The following MYO18B variants were observed in gnomAD, a reference collection of about 807,000 sequenced individuals.
MYO18B encodes the protein myosin XVIIIB, also known as unconventional myosin-XVIIIb.
MYO18B carries 204 observed loss-of-function variants against 273.0 expected under a neutral mutation model. The observed-to-expected ratio is 0.75, with a 90% CI of 0.67 to 0.84. The LOEUF (loss-of-function observed/expected upper bound fraction) is 0.84. MYO18B is among the 40% of genes least tolerant of loss of function. MYO18B has a pLI of 0.00. For missense variants in MYO18B, 3,212 were observed against 3,287.6 expected, an observed-to-expected ratio of 0.98 and a Z score of 0.56; for synonymous variants, 1,330 against 1,305.7, an observed-to-expected ratio of 1.02 and a Z score of -0.40.
intron 39 of MYO18B, among the ~76,000 whole-genome samples, chr22:25,972,910 C>T (rs1431784756): frequency 6.1e-5 from 9 of 147,756 alleles, no homozygotes; most frequent in African/African-American, 1.3e-4. Context: ...GAGCCAAGAT[C>T]GTGCCACTGC....
At chr22:26,041,409 G>A in the MYO18B span, among the ~76,000 whole-genome samples, 1 of 150,834 alleles carries the variant, frequency 6.6e-6, no homozygotes, top group Non-Finnish European at 1.5e-5. Context: ...GCACATGCCT[G>A]TAATCCCAAC....
intron 4 of MYO18B, 60 bp from the exon 5 acceptor site, chr22:25,770,050 A>G: frequency 6.4e-7 from 1 of 1,552,566 alleles, no homozygotes; most frequent in Admixed American, 1.7e-5. Context: ...CCCCCGTGTA[A>G]GGTAGAAGAT....
At chr22:25,900,537 T>C (rs777587448) in intron 29 of MYO18B, 2 of 152,340 alleles carry the variant, frequency 1.3e-5, no homozygotes, top group African/African-American at 2.4e-5. Flanking sequence ...GTTTGTGGCA[T>C]GATTACCCTA....
chr22:26,016,029 G>T (rs1217909051), intron 42 of MYO18B, among the ~76,000 whole-genome samples: 1 of 152,190 alleles, frequency 6.6e-6, no homozygotes, highest in Non-Finnish European at 1.5e-5. Context: ...AGTTAAAGCT[G>T]CATCTTCATG....
intron 21 of MYO18B, among the ~76,000 whole-genome samples, chr22:25,858,113 C>T (rs1449626781): frequency 6.6e-6 from 1 of 152,214 alleles, no homozygotes; most frequent in Non-Finnish European, 1.5e-5. Context: ...AAAACAGACA[C>T]AGTTAGCACC....
chr22:25,841,975 C>T (rs1204285210), intron 17 of MYO18B, among the ~76,000 whole-genome samples: 1 of 152,236 alleles, frequency 6.6e-6, no homozygotes, highest in Non-Finnish European at 1.5e-5. Flanking sequence ...AGGGACTGCA[C>T]AGCTCTGAAA....
intron 39 of MYO18B, among the ~76,000 whole-genome samples, chr22:25,987,767 A>G (rs982818040): frequency 1.3e-5 from 2 of 152,130 alleles, no homozygotes; most frequent in East Asian, 3.9e-4. Flanking sequence ...GCGTGTATGC[A>G]TGAATGAATA....
intron 16 of MYO18B, among the ~76,000 whole-genome samples, chr22:25,835,048 G>A (rs2089847069): frequency 6.6e-6 from 1 of 152,210 alleles, no homozygotes; most frequent in South Asian, 2.1e-4. Context: ...GAGAAGTGTA[G>A]TAAGTTGCCC....
At chr22:25,839,769 A>G (rs114450581) in intron 17 of MYO18B, among the ~76,000 whole-genome samples, 1,823 of 152,246 alleles carry the variant, frequency 0.012, 41 homozygotes, top group African/African-American at 0.042. Context: ...TCAGATCCAA[A>G]AGAAGCCAAG....
rs146443100 is a variant in MYO18B at position 25,783,404 on chromosome 22, A to G, written c.2312+1570A>G. Among the ~76,000 whole-genome samples the G allele has an allele frequency of 2.7e-3, 408 of 152,332 alleles. 1 individual carries two copies. Among genetic ancestry groups the G allele is most frequent in the Middle Eastern group, 6.8e-3 (2 of 294 alleles). Reference sequence around the variant, plus strand: ...ATAGTAATGGTGTAATGTGGGAAGGAGTAGGTAGGTGGGCCCTGAACATAG... The same window carrying G: ...ATAGTAATGGTGTAATGTGGGAAGGGGTAGGTAGGTGGGCCCTGAACATAG... On this transcript the variant is annotated intron_variant, in intron 10 of 43. Coordinates refer to ENST00000335473, the MANE Select transcript of MYO18B (RefSeq NM_032608.7).
chr22:25,922,814 A>T (rs2092367424), intron 34 of MYO18B, among the ~76,000 whole-genome samples: 1 of 152,250 alleles, frequency 6.6e-6, no homozygotes, highest in African/African-American at 2.4e-5. Context: ...GGCTGCTTCC[A>T]GTCTCTGGTG....
chr22:25,954,211 A>G (rs934479511), intron 38 of MYO18B, among the ~76,000 whole-genome samples: 7 of 152,164 alleles, frequency 4.6e-5, no homozygotes. Context: ...TGATGGCCAA[A>G]GCACTTTTCT....
chr22:25,952,461 C>A, intron 38 of MYO18B, 38 bp downstream of exon 38: 1 of 1,609,250 alleles, frequency 6.2e-7, no homozygotes, highest in Non-Finnish European at 8.5e-7. Context: ...GGGCCAAGAG[C>A]AGGGAGAGCT....
intron 20 of MYO18B, 138 bp downstream of exon 20, chr22:25,847,790 T>G: frequency 1.5e-6 from 1 of 650,492 alleles, no homozygotes; most frequent in Non-Finnish European, 2.6e-6. Context: ...TTCCCAGCAG[T>G]CTTCTGAGAT....
intron 39 of MYO18B, chr22:25,959,265 CTTTTTTTTTT>C (rs957809634): frequency 2.5e-5 from 3 of 119,242 alleles, no homozygotes; most frequent in African/African-American, 6.9e-5. Flanking sequence ...CTCCATCTTC[CTTTTTTTTTT>C]TTTTTTTTTT....
At position 25,834,239 on chromosome 22, in the gene MYO18B, C is replaced by T. The variant is rs555468422; in HGVS notation, c.3061-1057C>T. On this transcript the variant is annotated intron_variant, in intron 16 of 43. Transcript: ENST00000335473. ...TTGGCTCATTGCAACTTCTGCCTCC[C>T]GGATTCAAGCGATTCTCGTGCCTCA... is the stretch of plus-strand genomic sequence containing the variant. Among the ~76,000 whole-genome samples the T allele has an allele frequency of 1.1e-4, 17 of 151,990 alleles. No individual in the cohort carries two copies. The South Asian group carries it at 2.1e-3, about 19-fold the overall frequency.
intron 39 of MYO18B, chr22:25,959,100 T>A (rs746300257): frequency 6.6e-5 from 10 of 151,822 alleles, no homozygotes; most frequent in Non-Finnish European, 1.3e-4. Flanking sequence ...AAGTATGGAG[T>A]TTCCTCCGTA....
intron 20 of MYO18B, among the ~76,000 whole-genome samples, chr22:25,850,289 A>T (rs1361170225): frequency 6.6e-6 from 1 of 152,120 alleles, no homozygotes; most frequent in Non-Finnish European, 1.5e-5. Context: ...TACCCAGGGA[A>T]GAGTCTAAAC....
At position 25,868,305 on chromosome 22, in the gene MYO18B, T is replaced by C; in HGVS notation, c.3886-15T>C. 2 of 1,592,176 alleles carry C rather than the reference T, an allele frequency of 1.3e-6. No individual in the cohort carries two copies. The highest frequency in any genetic ancestry group is 2.7e-5 in the African/African-American group (2 of 74,684). On this transcript the variant is annotated splice_polypyrimidine_tract_variant and intron_variant, in intron 21 of 43. Coordinates refer to ENST00000335473, the MANE Select transcript of MYO18B (RefSeq NM_032608.7). The stretch of plus-strand genomic sequence containing the variant: ...CCTTCTATGCTGTCTAACTTCTCTC[T>C]AATTTTTTCCCCAGGCCGTGGAGGA...
Sources: allele counts gnomAD v4.1 joint callset (sites outside exome capture counted in the v4.1 genomes callset), GRCh38; gene constraint gnomAD v4.1.1; transcripts MANE v1.5; gene names NCBI Gene and HGNC (gene_info 2026-07-23, HGNC 2026-07-21).